RTN4: variants seen among roughly 807,000 people sequenced by gnomAD.
RTN4 encodes reticulon 4.
RTN4 carries 32 observed loss-of-function variants against 90.4 expected under a neutral mutation model. The ratio of observed to expected loss-of-function variants is 0.35; its 90% CI spans 0.27 to 0.48. RTN4 has a LOEUF of 0.48. Ranked by LOEUF, RTN4 falls within the 20% of genes least tolerant of loss-of-function variation. RTN4 has a pLI of 0.99. For synonymous variants in RTN4, 629 were observed against 552.5 expected, an observed-to-expected ratio of 1.14 and a Z score of -1.94; for missense variants, 1,706 against 1,430.2, an observed-to-expected ratio of 1.19 and a Z score of -3.11.
upstream of RTN4, among the ~76,000 whole-genome samples, chr2:55,113,622 G>C (rs532703316): frequency 3.7e-4 from 57 of 152,274 alleles, no homozygotes; most frequent in African/African-American, 1.3e-3. Context: ...CGGACCTGTA[G>C]GGTCCATGCA....
At chr2:55,059,848 GAGAA>G (rs756915217) in intron 2 of RTN4, among the ~76,000 whole-genome samples, 3 of 151,804 alleles carry the variant, frequency 2.0e-5, no homozygotes, top group African/African-American at 7.3e-5. Flanking sequence ...AAGAGAGAGA[GAGAA>G]AGAGAGAGAG....
chr2:55,126,664 T>A, the RTN4 span, among the ~76,000 whole-genome samples: 9 of 152,172 alleles, frequency 5.9e-5, no homozygotes, highest in Admixed American at 2.6e-4. Context: ...GACCCAGCAA[T>A]CCCATTATTG....
chr2:55,111,417 G>A (rs1668036457), intron 1 of RTN4, among the ~76,000 whole-genome samples: 1 of 152,230 alleles, frequency 6.6e-6, no homozygotes, highest in African/African-American at 2.4e-5. Context: ...TCATCCCATA[G>A]TGAGATAATA....
At chr2:55,094,201 G>A (rs1427018674) in intron 1 of RTN4, among the ~76,000 whole-genome samples, 1 of 152,162 alleles carries the variant, frequency 6.6e-6, no homozygotes, top group Non-Finnish European at 1.5e-5. Context: ...CTTCTAAGGA[G>A]AGATCTCTCT....
intron 2 of RTN4, among the ~76,000 whole-genome samples, chr2:55,066,176 TG>T (rs1182080407): frequency 2.4e-4 from 26 of 106,186 alleles, no homozygotes; most frequent in Admixed American, 1.9e-3. Flanking sequence ...CATTTGTGTG[TG>T]TGTGTGTGTG....
At chr2:55,096,775 T>C (rs1490989370) in intron 1 of RTN4, among the ~76,000 whole-genome samples, 1 of 151,198 alleles carries the variant, frequency 6.6e-6, no homozygotes, top group East Asian at 1.9e-4. Flanking sequence ...CTCTGCTCAT[T>C]CTGTCATGCT....
At chr2:55,000,204 G>C (rs1412414605) in intron 3 of RTN4, among the ~76,000 whole-genome samples, 1 of 152,162 alleles carries the variant, frequency 6.6e-6, no homozygotes, top group Non-Finnish European at 1.5e-5. Flanking sequence ...TTCTCTGAAA[G>C]TATATGTAAA....
At chr2:55,019,351 T>C (rs1433653115) in intron 3 of RTN4, among the ~76,000 whole-genome samples, 1 of 152,118 alleles carries the variant, frequency 6.6e-6, no homozygotes, top group Non-Finnish European at 1.5e-5. Flanking sequence ...GAGGGGCGAA[T>C]TTTGATAGGG....
the RTN4 span, among the ~76,000 whole-genome samples, chr2:55,126,681 T>C: frequency 6.6e-6 from 1 of 152,172 alleles, no homozygotes; most frequent in Non-Finnish European, 1.5e-5. Flanking sequence ...ATTGGGTATA[T>C]CCCAGAGGAA....
Position 55,049,966 on chromosome 2 carries a change from G to A in RTN4, c.335C>T (p.Pro112Leu), listed in dbSNP as rs1666605557. The change falls in exon 1 of 9, where the codon CCG becomes CTG. Residue 112 changes from proline to leucine, a missense_variant. Pro to Leu is a moderately conservative substitution (Grantham distance 98, BLOSUM62 -3). Transcript: ENST00000337526. Reference sequence around the variant, plus strand: ...TGGCGCGGGCACGGTCGACGACACCGGGCTCGGGTCCCAAGACGGCTGCCG... The same window carrying A: ...TGGCGCGGGCACGGTCGACGACACCAGGCTCGGGTCCCAAGACGGCTGCCG... Reference protein sequence around the residue: ...PERQPSWDPSPVSSTVPAPSP... With the variant: ...PERQPSWDPSLVSSTVPAPSP... 5.8e-6 allele frequency: 8 copies of A among 1,368,418 alleles called. No homozygotes were observed. The Admixed American group carries it at 2.3e-4, about 40-fold the overall frequency. The allele number at this position is 1,368,418 out of a possible 1,614,324, so 84.8% of individuals were successfully genotyped here. A position where few individuals can be genotyped will look rare whatever the true frequency, so the allele number is the denominator to read the frequency against.
chr2:55,114,917 G>C (rs754878143), upstream of RTN4, among the ~76,000 whole-genome samples: 1 of 151,994 alleles, frequency 6.6e-6, no homozygotes, highest in Non-Finnish European at 1.5e-5. Flanking sequence ...GATGCCTTAC[G>C]AGATAGAGGT....
Position 55,026,069 on chromosome 2 carries a change from A to T in RTN4, c.2030T>A (p.Ile677Asn), listed in dbSNP as rs746103047. 5.0e-6 allele frequency: 8 copies of T among 1,610,362 alleles called. No individual in the cohort carries two copies. The highest frequency in any genetic ancestry group is 6.8e-6 in the Non-Finnish European group (8 of 1,179,174). Residue 677 changes from isoleucine to asparagine, a missense_variant, in exon 3 of 9, where the codon ATT becomes AAT. Ile to Asn is a moderately radical substitution (Grantham distance 149). Coordinates refer to ENST00000337526, the MANE Select transcript of RTN4 (RefSeq NM_020532.5). ...TGCATTAATATTTTCAGGCTCTTTA[A>T]TTTCTTCCTTTATTCCTGATACTTT... ...LKKVSGIKEE[I>N]KEPENINAAL...
chr2:54,973,636 T>C lies in RTN4; in HGVS notation c.3478-15A>G, dbSNP rs1238831614. 3.1e-6 allele frequency: 5 copies of C among 1,597,228 alleles called. No individual in the cohort carries two copies. Among genetic ancestry groups the C allele is most frequent in the African/African-American group, 1.3e-5 (1 of 74,496 alleles). On this transcript the variant is annotated splice_polypyrimidine_tract_variant and intron_variant, in intron 7 of 8. Transcript: ENST00000337526. ...TCTATCTGTGCCTGAAAGAGAGGTA[T>C]AAAGGAATTATTACCGTTGCTAAAG...
intron 2 of RTN4, among the ~76,000 whole-genome samples, chr2:55,074,532 A>G (rs1046879779): frequency 5.9e-5 from 9 of 151,642 alleles, no homozygotes; most frequent in South Asian, 2.1e-4. Flanking sequence ...AAAAAAAAAA[A>G]AAAAGAAAAT....
At chr2:55,057,774 A>T (rs1243560492) in intron 2 of RTN4, among the ~76,000 whole-genome samples, 1 of 152,190 alleles carries the variant, frequency 6.6e-6, no homozygotes, top group Non-Finnish European at 1.5e-5. Context: ...GCTTGAGGCC[A>T]GTAGTTTGAG....
At chr2:55,054,102 C>A (rs1051860571), upstream of RTN4, among the ~76,000 whole-genome samples, 2 of 152,030 alleles carry the variant, frequency 1.3e-5, no homozygotes, top group African/African-American at 4.8e-5. Context: ...TAAATTTATA[C>A]AAATAAAAAA....
At chr2:54,981,566 G>A (rs2104638978) in intron 5 of RTN4, among the ~76,000 whole-genome samples, 1 of 152,286 alleles carries the variant, frequency 6.6e-6, no homozygotes. Context: ...CTATGAAAAA[G>A]AAAAGCACTA....
At chr2:55,050,882 G>A (rs1450681623), upstream of RTN4, 2 of 152,070 alleles carry the variant, frequency 1.3e-5, no homozygotes, top group African/African-American at 2.4e-5. The surrounding 1 kb of genome is among the most constrained non-coding windows in gnomAD (Gnocchi z 4.6). Context: ...GGGTCGGCGC[G>A]GTTTCTGGCG....
the RTN4 span, among the ~76,000 whole-genome samples, chr2:55,129,845 G>A: frequency 8.5e-5 from 13 of 152,140 alleles, no homozygotes; most frequent in African/African-American, 3.1e-4. Flanking sequence ...ACAGGCGTGA[G>A]CCACCGTGCC....
Sources: gnomAD v4.1 joint callset for allele counts (sites outside exome capture counted in the v4.1 genomes callset) on GRCh38, gnomAD v4.1.1 for gene constraint, Gnocchi (gnomAD v3.1) non-coding constraint, MANE v1.5 for transcripts, NCBI Gene and HGNC (gene_info 2026-07-23, HGNC 2026-07-21) for gene names.